The following RBMS3 variants were observed in gnomAD, a reference collection of about 807,000 sequenced individuals.
RBMS3 encodes RNA-binding motif, single-stranded-interacting protein 3.
Under a neutral mutation model 66.8 loss-of-function variants are expected in RBMS3, and 27 were observed. The observed-to-expected ratio is 0.40, with a 90% CI of 0.30 to 0.56. RBMS3 has a LOEUF of 0.56. Ranked by LOEUF, RBMS3 falls within the 20% of genes least tolerant of loss-of-function variation. The pLI, the probability that RBMS3 is intolerant of heterozygous loss-of-function variation, is 0.40. For synonymous variants in RBMS3, 188 were observed against 183.0 expected (o/e 1.03, Z -0.22); for missense variants, 513 against 549.5 (o/e 0.93, Z 0.66).
chr3:29,997,428 A>G (rs1699318750), intron 14 of RBMS3, among the ~76,000 whole-genome samples: 1 of 149,528 alleles, frequency 6.7e-6, no homozygotes, highest in South Asian at 2.2e-4. Flanking sequence ...TGAGGGCAGC[A>G]TCATTCTGAT....
At chr3:29,688,451 C>A (rs2051830145) in intron 4 of RBMS3, among the ~76,000 whole-genome samples, 1 of 151,288 alleles carries the variant, frequency 6.6e-6, no homozygotes, top group South Asian at 2.1e-4. Flanking sequence ...TCATCCACAT[C>A]TTTCTGGAAG....
At chr3:29,784,516 C>A (rs1408111946) in intron 6 of RBMS3, among the ~76,000 whole-genome samples, 1 of 151,920 alleles carries the variant, frequency 6.6e-6, no homozygotes, top group Non-Finnish European at 1.5e-5. Flanking sequence ...CTATCAAAAC[C>A]TCTGGGATAC....
intron 1 of RBMS3, among the ~76,000 whole-genome samples, chr3:29,373,875 G>T (rs1025856951): frequency 6.6e-6 from 1 of 152,274 alleles, no homozygotes; most frequent in Non-Finnish European, 1.5e-5. Context: ...AATGTTTAGA[G>T]CTAGAGGCAT....
intron 1 of RBMS3, among the ~76,000 whole-genome samples, chr3:29,366,412 G>A (rs2037905503): frequency 6.6e-6 from 1 of 152,026 alleles, no homozygotes; most frequent in South Asian, 2.1e-4. Context: ...TTTTAAACAG[G>A]GTCTTGCTTT....
rs116320748 is a variant in RBMS3 at position 29,648,101 on chromosome 3, A to G, written c.399+60896A>G. 7.6e-3 allele frequency among the ~76,000 whole-genome samples: 1,161 copies of G among 152,164 alleles called. 11 individuals are homozygous for G. The highest frequency in any genetic ancestry group is 0.027 in the African/African-American group (1,119 of 41,508). On this transcript the variant is annotated intron_variant, in intron 4 of 14. Transcript: ENST00000383767. ...CTGAATATTTATAAATACATTTGCA[A>G]TACAATCTTAAACCCTGATGTTGTC...
At chr3:29,818,483 A>G (rs2057982096) in intron 6 of RBMS3, among the ~76,000 whole-genome samples, 1 of 151,946 alleles carries the variant, frequency 6.6e-6, no homozygotes, top group Non-Finnish European at 1.5e-5. Context: ...TCAATAATTC[A>G]GGCTTGATAC....
At chr3:29,577,192 AATGTC>A (rs747061974) in intron 3 of RBMS3, among the ~76,000 whole-genome samples, 3 of 152,110 alleles carry the variant, frequency 2.0e-5, no homozygotes, top group Non-Finnish European at 4.4e-5. Context: ...TGTTTCTACA[AATGTC>A]ATCTGAGAGC....
intron 3 of RBMS3, among the ~76,000 whole-genome samples, chr3:29,536,989 A>T (rs1358316418): frequency 6.6e-6 from 1 of 152,220 alleles, no homozygotes; most frequent in Non-Finnish European, 1.5e-5. Flanking sequence ...ATAAGACAGG[A>T]AAAAGGAAAA....
chr3:29,834,052 G>C (rs1339080531), intron 6 of RBMS3, among the ~76,000 whole-genome samples: 2 of 151,910 alleles, frequency 1.3e-5, no homozygotes, highest in Admixed American at 6.6e-5. Flanking sequence ...TCAAAGTGCT[G>C]GAAAAAAATT....
chr3:29,702,461 A>G (rs536679139), intron 4 of RBMS3, among the ~76,000 whole-genome samples: 1 of 152,312 alleles, frequency 6.6e-6, no homozygotes, highest in African/African-American at 2.4e-5. Context: ...AGGCTGCCAG[A>G]GCTGGCAGTG....
intron 6 of RBMS3, among the ~76,000 whole-genome samples, chr3:29,763,597 G>C (rs2149384260): frequency 6.6e-6 from 1 of 152,054 alleles, no homozygotes; most frequent in South Asian, 2.1e-4. Flanking sequence ...CACTTCCCAA[G>C]GCAAAATTCC....
At chr3:29,494,168 T>C (rs779703757) in intron 3 of RBMS3, among the ~76,000 whole-genome samples, 1 of 152,212 alleles carries the variant, frequency 6.6e-6, no homozygotes, top group African/African-American at 2.4e-5. Context: ...CTTGTCTCCT[T>C]AGAGATAAAA....
intron 3 of RBMS3, among the ~76,000 whole-genome samples, chr3:29,552,887 G>C (rs2046223276): frequency 6.6e-6 from 1 of 152,118 alleles, no homozygotes; most frequent in South Asian, 2.1e-4. Flanking sequence ...ATACTATCTA[G>C]AGATAGTAAA....
At position 29,346,522 on chromosome 3, in the gene RBMS3, G is replaced by A. The variant is rs954071882; in HGVS notation, c.75+64766G>A. 2.7e-5 allele frequency among the ~76,000 whole-genome samples: 4 copies of A among 147,806 alleles called. No homozygotes were observed. The Admixed American group carries it at 2.8e-4, about 10-fold the overall frequency. The stretch of plus-strand genomic sequence containing the variant: ...GGGTTCAAGTGATTCTCCTGCCTCA[G>A]CCTCTCGAGTAGCTGGGATTACAGG... On this transcript the variant is annotated intron_variant, in intron 1 of 14. Coordinates refer to ENST00000383767, the MANE Select transcript of RBMS3 (RefSeq NM_001003793.3).
At chr3:29,312,564 ACT>A (rs909961796) in intron 1 of RBMS3, among the ~76,000 whole-genome samples, 7 of 150,446 alleles carry the variant, frequency 4.7e-5, no homozygotes, top group Admixed American at 1.3e-4. Context: ...GAACTCTTGC[ACT>A]CTCTCTTCTT....
chr3:29,944,645 G>A (rs1695173359), intron 12 of RBMS3, among the ~76,000 whole-genome samples: 1 of 151,616 alleles, frequency 6.6e-6, no homozygotes, highest in Non-Finnish European at 1.5e-5. Flanking sequence ...AGTTTGAGAA[G>A]CACTGCTTTA....
intron 1 of RBMS3, among the ~76,000 whole-genome samples, chr3:29,329,722 A>G (rs1232912009): frequency 6.6e-6 from 1 of 151,548 alleles, no homozygotes; most frequent in Non-Finnish European, 1.5e-5. Flanking sequence ...CAGTTCTAGC[A>G]TCTGAGTGGT....
rs555139243 is a variant in RBMS3 at position 29,369,957 on chromosome 3, T to C, written c.76-64786T>C. Among the ~76,000 whole-genome samples, 4 of 152,216 alleles carry C rather than the reference T, an allele frequency of 2.6e-5. 1 individual carries two copies. In the South Asian group the frequency reaches 8.3e-4, roughly 32 times the overall value. ...TGGCTTAATTAATCTGAAGATACAATGCAGACACCAGCTTTTCTTTCAGAG... is the reference window on the plus strand; with the variant it reads ...TGGCTTAATTAATCTGAAGATACAACGCAGACACCAGCTTTTCTTTCAGAG... On this transcript the variant is annotated intron_variant, in intron 1 of 14. Coordinates refer to ENST00000383767, the MANE Select transcript of RBMS3 (RefSeq NM_001003793.3).
chr3:29,928,905 T>A (rs1327959489), intron 10 of RBMS3, among the ~76,000 whole-genome samples: 2 of 152,188 alleles, frequency 1.3e-5, no homozygotes, highest in African/African-American at 4.8e-5. Flanking sequence ...TACTCATTAG[T>A]TATGCGATTG....
Sources: allele counts gnomAD v4.1 joint callset (sites outside exome capture counted in the v4.1 genomes callset), GRCh38; gene constraint gnomAD v4.1.1; transcripts MANE v1.5; gene names NCBI Gene and HGNC (gene_info 2026-07-23, HGNC 2026-07-21).